Variants in GULP1 observed in about 807,000 individuals in gnomAD.
The protein encoded by GULP1 is GULP PTB domain containing engulfment adaptor 1.
In GULP1, 19 loss-of-function variants were observed where a neutral mutation model predicts 40.9. The ratio of observed to expected loss-of-function variants is 0.46; its 90% CI spans 0.32 to 0.68. GULP1 has a LOEUF of 0.68. GULP1 is among the 30% of genes least tolerant of loss of function. GULP1 has a pLI of 0.03. For synonymous variants in GULP1, 119 were observed against 117.6 expected (o/e 1.01, Z -0.08); for missense variants, 312 against 362.2 (o/e 0.86, Z 1.12).
intron 2 of GULP1, among the ~76,000 whole-genome samples, chr2:188,407,931 A>G (rs1393921006): frequency 6.6e-6 from 1 of 152,244 alleles, no homozygotes; most frequent in Non-Finnish European, 1.5e-5. Context: ...CACACAGATT[A>G]AAAGTAAAAG....
At chr2:188,525,836 A>G (rs1365661125) in intron 5 of GULP1, among the ~76,000 whole-genome samples, 1 of 152,214 alleles carries the variant, frequency 6.6e-6, no homozygotes, top group African/African-American at 2.4e-5. Context: ...GTTGTATAAC[A>G]CTATTTTGTC....
chr2:188,331,864 G>A (rs2041635740), intron 1 of GULP1, among the ~76,000 whole-genome samples: 1 of 151,712 alleles, frequency 6.6e-6, no homozygotes, highest in Non-Finnish European at 1.5e-5. Context: ...TATTTAATGG[G>A]CAACTTATAT....
At chr2:188,400,777 G>A (rs549609909) in intron 2 of GULP1, among the ~76,000 whole-genome samples, 2 of 152,222 alleles carry the variant, frequency 1.3e-5, no homozygotes, top group East Asian at 1.9e-4. Flanking sequence ...TTCAATTCTG[G>A]TATGTTTACA....
chr2:188,365,804 G>T (rs1226631498), intron 1 of GULP1, among the ~76,000 whole-genome samples: 2 of 152,166 alleles, frequency 1.3e-5, no homozygotes, highest in African/African-American at 2.4e-5. Flanking sequence ...AAACAACACT[G>T]CTCTTGGAAT....
intron 1 of GULP1, among the ~76,000 whole-genome samples, chr2:188,374,521 C>T (rs542112142): frequency 6.6e-6 from 1 of 152,186 alleles, no homozygotes; most frequent in African/African-American, 2.4e-5. Flanking sequence ...AGGCAAGAAA[C>T]ATGAGGTCAA....
rs1179405237 is a variant in GULP1, at chr2:188,328,574, CAG to C, written c.-172+36410_-172+36411del. On this transcript the variant is annotated intron_variant, in intron 1 of 11. Transcript: ENST00000409830. ...AATTCCTCAGTTTTCACAAGTAAAA[CAG>C]ATGTTTGCTCTTCTGCCCTATGGTT... is the stretch of plus-strand genomic sequence containing the variant. Among the ~76,000 whole-genome samples the C allele has an allele frequency of 1.3e-5, 2 of 152,106 alleles. 1 individual carries two copies. The highest frequency in any genetic ancestry group is 1.3e-4 in the Admixed American group (2 of 15,246).
chr2:188,514,077 G>GTGTGTGTGTGTGTGTATA, intron 4 of GULP1, among the ~76,000 whole-genome samples: 1 of 150,024 alleles, frequency 6.7e-6, no homozygotes, highest in East Asian at 2.0e-4. Flanking sequence ...GTGTGTGTGT[G>GTGTGTGTGTGTGTGTATA]TGTGTGCGCC....
chr2:188,505,660 G>C (rs1301495478), intron 4 of GULP1, among the ~76,000 whole-genome samples: 1 of 151,636 alleles, frequency 6.6e-6, no homozygotes, highest in East Asian at 1.9e-4. Context: ...TGCCATTCTG[G>C]GCTAGTAATA....
At chr2:188,434,921 A>T (rs2152835640) in intron 2 of GULP1, among the ~76,000 whole-genome samples, 1 of 152,090 alleles carries the variant, frequency 6.6e-6, no homozygotes, top group African/African-American at 2.4e-5. Flanking sequence ...ACTTTACATA[A>T]GATGTGAGCA....
At chr2:188,389,002 C>T (rs375477878) in intron 2 of GULP1, among the ~76,000 whole-genome samples, 1 of 151,560 alleles carries the variant, frequency 6.6e-6, no homozygotes, top group Non-Finnish European at 1.5e-5. Context: ...TTGTCTAGGG[C>T]GAAAAAAATG....
intron 1 of GULP1, among the ~76,000 whole-genome samples, chr2:188,316,947 C>A (rs4992744): frequency 0.24 from 37,091 of 152,002 alleles, 5,027 homozygotes; most frequent in African/African-American, 0.37. Context: ...AACATGCCTC[C>A]TTGAAAATGC....
chr2:188,427,947 G>T (rs918952716), intron 2 of GULP1, among the ~76,000 whole-genome samples: 3 of 152,224 alleles, frequency 2.0e-5, no homozygotes, highest in Admixed American at 2.0e-4. Context: ...GCCCTTGAGA[G>T]TAGCCATGGG....
intron 1 of GULP1, among the ~76,000 whole-genome samples, chr2:188,362,769 T>C (rs1209382896): frequency 1.5e-5 from 2 of 133,532 alleles, no homozygotes; most frequent in African/African-American, 5.6e-5. Context: ...ACTTGTAATC[T>C]GACTTAGAAG....
At chr2:188,525,747 A>G (rs987086388) in intron 5 of GULP1, among the ~76,000 whole-genome samples, 9 of 152,182 alleles carry the variant, frequency 5.9e-5, no homozygotes, top group Non-Finnish European at 1.2e-4. Context: ...CTGCAAGAAA[A>G]TGTAGCCGTT....
chr2:188,312,609 G>T (rs1451302610), intron 1 of GULP1, among the ~76,000 whole-genome samples: 2 of 152,144 alleles, frequency 1.3e-5, no homozygotes, highest in Admixed American at 6.5e-5. Flanking sequence ...ATAAACATAT[G>T]TGTGCATGTG....
intron 1 of GULP1, among the ~76,000 whole-genome samples, chr2:188,374,122 A>T (rs1192886807): frequency 6.6e-6 from 1 of 152,108 alleles, no homozygotes. Context: ...GCTCATCTGA[A>T]ATTCCATGTC....
chr2:188,348,198 T>C (rs2043958461), intron 1 of GULP1, among the ~76,000 whole-genome samples: 1 of 152,254 alleles, frequency 6.6e-6, no homozygotes, highest in African/African-American at 2.4e-5. Context: ...TAATGTTACA[T>C]GGCAATTTCT....
At chr2:188,430,380 T>A (rs1008304295) in intron 2 of GULP1, among the ~76,000 whole-genome samples, 3 of 152,156 alleles carry the variant, frequency 2.0e-5, no homozygotes, top group African/African-American at 7.2e-5. Flanking sequence ...GAGCCTGCAG[T>A]GTGATAGTTT....
intron 11 of GULP1, 84 bp downstream of exon 11, chr2:188,588,033 G>A (rs1056742970): frequency 3.8e-6 from 3 of 795,272 alleles, no homozygotes; most frequent in Non-Finnish European, 6.8e-6. Context: ...CAAAACTATG[G>A]TTTCCTTCAA....
Sources: gnomAD v4.1 joint callset for allele counts (sites outside exome capture counted in the v4.1 genomes callset) on GRCh38, gnomAD v4.1.1 for gene constraint, MANE v1.5 for transcripts, NCBI Gene and HGNC (gene_info 2026-07-23, HGNC 2026-07-21) for gene names.